The following CHDH variants were observed in gnomAD, a reference collection of about 807,000 sequenced individuals.
The protein encoded by CHDH is choline dehydrogenase, mitochondrial.
Under a neutral mutation model 56.9 loss-of-function variants are expected in CHDH, and 43 were observed. That is an observed-to-expected ratio of 0.76 (90% CI 0.59 to 0.97). The LOEUF (loss-of-function observed/expected upper bound fraction) is 0.97. Ranked by LOEUF, CHDH falls within the 50% of genes least tolerant of loss-of-function variation. The pLI is 0.00. For synonymous variants in CHDH, 364 were observed against 348.5 expected (o/e 1.04, Z -0.50); for missense variants, 816 against 821.1 (o/e 0.99, Z 0.08).
At position 53,819,010 on chromosome 3, in the gene CHDH, C is replaced by A; in HGVS notation, c.1294G>T (p.Val432Leu). ...VHVGPMRGTSVGWLKLRSANP... is the reference protein window; with the variant it reads ...VHVGPMRGTSLGWLKLRSANP... ...GCACTTCTCAGTTTGAGCCAGCCCA[C>A]ACTCGTGCCCCGCATGGGCCCCACA... is the stretch of plus-strand genomic sequence containing the variant. Residue 432 changes from valine (V) to leucine (L), a missense_variant, in exon 8 of 9, where the codon GTG becomes TTG. Val to Leu is a conservative substitution (Grantham distance 32). Transcript: ENST00000315251. This position sits in a 1 kb window ranked among gnomAD's most constrained non-coding sequence, Gnocchi z 5.4. The A allele has an allele frequency of 6.2e-7, 1 of 1,613,816 alleles. No individual in the cohort carries two copies. Among genetic ancestry groups the A allele is most frequent in the South Asian group, 1.1e-5 (1 of 91,060 alleles).
intron 2 of CHDH, among the ~76,000 whole-genome samples, chr3:53,826,304 A>T: frequency 7.2e-6 from 1 of 139,300 alleles, no homozygotes; most frequent in African/African-American, 3.3e-5. Context: ...AACCAGACAA[A>T]GACATTACAA....
intron 2 of CHDH, among the ~76,000 whole-genome samples, chr3:53,824,718 A>G (rs2095635836): frequency 6.6e-6 from 1 of 152,204 alleles, no homozygotes; most frequent in Non-Finnish European, 1.5e-5. Context: ...TTAACAGAAA[A>G]ATGGCAATAG....
chr3:53,818,269 G>C, intron 8 of CHDH, 74 bp from the exon 9 acceptor site: 1 of 1,341,760 alleles, frequency 7.5e-7, no homozygotes, highest in South Asian at 1.5e-5. Context: ...TCACGGCATG[G>C]AGAGGCTCTG....
Position 53,821,687 on chromosome 3 carries a change from G to GTCA in CHDH, c.942_944dup (p.Asp315dup). On this transcript the variant is annotated inframe_insertion, in exon 5 of 9. Transcript: ENST00000315251. ...CCACAGGGATGCCCAGTTTCTTGAG[G>GTCA]TCATCAGCATTCCCGATGCCAGAGA... The GTCA allele has an allele frequency of 6.2e-7, 1 of 1,614,022 alleles. No homozygotes were observed. The highest frequency in any genetic ancestry group is 8.5e-7 in the Non-Finnish European group (1 of 1,179,906).
In CHDH at chr3:53,817,841, T is replaced by A. The variant is rs748272859; in HGVS notation, c.1721A>T (p.Gln574Leu). The change falls in exon 9 of 9, where the codon CAG becomes CTG. Residue 574 changes from glutamine (Q) to leucine (L), a missense_variant. Transcript: ENST00000315251. ...GACATCTTTGTCCCAGAGTGCAGGC[T>A]GCCCCTTGATAATGTCAGCTGCCTT... ...AEKAADIIKG[Q>L]PALWDKDVPV... 1.2e-6 allele frequency: 2 copies of A among 1,614,194 alleles called. No homozygotes were observed. Among genetic ancestry groups the A allele is most frequent in the Non-Finnish European group, 1.7e-6 (2 of 1,180,022 alleles).
chr3:53,819,172 G>C lies in CHDH; in HGVS notation c.1264-132C>G. The C allele has an allele frequency of 1.5e-6, 1 of 657,108 alleles. No individual in the cohort carries two copies. The highest frequency in any genetic ancestry group is 2.6e-6 in the Non-Finnish European group (1 of 378,494). 40.7% of individuals were successfully genotyped at this position (657,108 alleles called of 1,614,324 possible). A position where few individuals can be genotyped will look rare whatever the true frequency, so the allele number is the denominator to read the frequency against. ...GGGGAACAGATGCATGTTAGCATTT[G>C]CCCGCATGGTACCCACCTCCACGAG... On this transcript the variant is annotated intron_variant, in intron 7 of 8. Transcript: ENST00000315251. This position sits in a 1 kb window ranked among gnomAD's most constrained non-coding sequence, Gnocchi z 5.4.
At chr3:53,824,662 A>G (rs1420482508) in intron 2 of CHDH, among the ~76,000 whole-genome samples, 2 of 152,168 alleles carry the variant, frequency 1.3e-5, no homozygotes, top group Non-Finnish European at 2.9e-5. Flanking sequence ...CAGGTTCAAG[A>G]TCAGAGCTAC....
In CHDH at chr3:53,841,100, T is replaced by C. The variant is rs902865175; in HGVS notation, c.-130-101A>G. 7 of 152,214 alleles carry C rather than the reference T, an allele frequency of 4.6e-5. No homozygotes were observed. In the South Asian group the frequency reaches 8.3e-4, roughly 18 times the overall value. The allele number at this position is 152,214 out of a possible 1,614,324, so 9.4% of individuals were successfully genotyped here. ...ATGTCTGTTGAGTCTAATAAGCAGA[T>C]AGTGGGCTTATCTTTTTTATATATC... is the stretch of plus-strand genomic sequence containing the variant. On this transcript the variant is annotated intron_variant, in intron 1 of 8. Transcript: ENST00000315251.
intron 5 of CHDH, 119 bp from the exon 6 acceptor site, chr3:53,820,727 T>C: frequency 7.8e-7 from 1 of 1,279,372 alleles, no homozygotes; most frequent in Admixed American, 2.3e-5. Context: ...CAGCTCCTGC[T>C]CAGTTCCCTG....
chr3:53,840,026 A>G (rs1433790928), intron 2 of CHDH, among the ~76,000 whole-genome samples: 1 of 152,178 alleles, frequency 6.6e-6, no homozygotes, highest in Non-Finnish European at 1.5e-5. Flanking sequence ...TCTCAGGAAG[A>G]TAGGGAGTAG....
chr3:53,820,921 G>A (rs1190334169), intron 5 of CHDH, among the ~76,000 whole-genome samples: 2 of 152,286 alleles, frequency 1.3e-5, no homozygotes, highest in African/African-American at 4.8e-5. Context: ...CCTTCAGCAG[G>A]CACTGCTTGG....
chr3:53,838,985 C>G (rs1698590681), intron 2 of CHDH, among the ~76,000 whole-genome samples: 1 of 152,096 alleles, frequency 6.6e-6, no homozygotes. Flanking sequence ...TAGCAGTGTC[C>G]CTGCTACTAG....
At position 53,819,464 on chromosome 3, in the gene CHDH, A is replaced by G; in HGVS notation, c.1263+68T>C. 1 of 1,543,262 alleles carries G rather than the reference A, an allele frequency of 6.5e-7. No homozygotes were observed. On this transcript the variant is annotated intron_variant, in intron 7 of 8. Transcript: ENST00000315251. This position sits in a 1 kb window ranked among gnomAD's most constrained non-coding sequence, Gnocchi z 5.4. ...ACCAGGGAGAATGCTGCCTTGGAAG[A>G]TGGGAGCATCTTCCTTCCTGGTGGG...
chr3:53,825,427 A>G (rs1559754549), intron 2 of CHDH, among the ~76,000 whole-genome samples: 1 of 152,186 alleles, frequency 6.6e-6, no homozygotes, highest in Non-Finnish European at 1.5e-5. Context: ...AACAATGAAA[A>G]CTATAGAAAA....
At position 53,816,141 on chromosome 3, in the gene CHDH, CCCCCG is replaced by C. The variant is rs2095615567; in HGVS notation, c.*1631_*1635del. The C allele has an allele frequency of 8.3e-6, 1 of 121,016 alleles. No homozygotes were observed. The allele number at this position is 121,016 out of a possible 1,614,324, so 7.5% of individuals were successfully genotyped here. Reference sequence around the variant, plus strand: ...ACTTGTGGCTGTCGGACGCCCCCCCCCCCCGCCCCAGTCTGTAAGCCGCCCCAATC... The same window carrying C: ...ACTTGTGGCTGTCGGACGCCCCCCCCCCCCAGTCTGTAAGCCGCCCCAATC... On this transcript the variant is annotated 3_prime_UTR_variant, in exon 9 of 9. Transcript: ENST00000315251.
chr3:53,829,574 T>A (rs911218984), intron 2 of CHDH, among the ~76,000 whole-genome samples: 1 of 152,224 alleles, frequency 6.6e-6, no homozygotes, highest in African/African-American at 2.4e-5. Flanking sequence ...TTTAAAACTA[T>A]AATAGAGCCT....
Position 53,819,945 on chromosome 3 carries a change from C to T in CHDH, c.1121-271G>A, listed in dbSNP as rs928042207. Among the ~76,000 whole-genome samples the T allele has an allele frequency of 1.3e-5, 2 of 152,360 alleles. No homozygotes were observed. Among genetic ancestry groups the T allele is most frequent in the Middle Eastern group, 3.4e-3 (1 of 294 alleles). ...TTCTGCCACTGCCCATGCCACCTGC[C>T]TTACCGGCTCTTCCCACTACCTAGC... is the stretch of plus-strand genomic sequence containing the variant. On this transcript the variant is annotated intron_variant, in intron 6 of 8. Coordinates refer to ENST00000315251, the MANE Select transcript of CHDH (RefSeq NM_018397.5). This position sits in a 1 kb window ranked among gnomAD's most constrained non-coding sequence, Gnocchi z 5.4.
intron 6 of CHDH, 22 bp downstream of exon 6, chr3:53,820,452 G>T: frequency 6.3e-7 from 1 of 1,599,378 alleles, no homozygotes; most frequent in Non-Finnish European, 8.5e-7. Flanking sequence ...TCTCCTCCCA[G>T]GTTACTGGTA....
intron 1 of CHDH, chr3:53,844,753 T>G (rs1698799939): frequency 6.6e-6 from 1 of 152,342 alleles, no homozygotes; most frequent in Non-Finnish European, 1.5e-5. Context: ...TGCTCGCTCG[T>G]CTCAGAGGGA....
Sources: gnomAD v4.1 joint callset for allele counts (sites outside exome capture counted in the v4.1 genomes callset) on GRCh38, gnomAD v4.1.1 for gene constraint, Gnocchi (gnomAD v3.1) non-coding constraint, MANE v1.5 for transcripts, NCBI Gene and HGNC (gene_info 2026-07-23, HGNC 2026-07-21) for gene names.